HDAC5: variants seen among roughly 807,000 people sequenced by gnomAD.
The protein encoded by HDAC5 is histone deacetylase 5, also known as antigen NY-CO-9.
In HDAC5, 25 loss-of-function variants were observed where a neutral mutation model predicts 133.3. That is an observed-to-expected ratio of 0.19 (90% confidence interval 0.14 to 0.26). HDAC5 has a LOEUF of 0.26. Among genes scored for constraint, HDAC5 ranks in the 10% least tolerant of loss-of-function variants. The pLI is 1.00. For synonymous variants in HDAC5, 589 were observed against 610.8 expected (o/e 0.96, Z 0.53); for missense variants, 1,041 against 1,460.5 (o/e 0.71, Z 4.68).
In HDAC5 at chr17:44,079,783, C is replaced by T. The variant is rs1188838372; in HGVS notation, c.2944+324G>A. On this transcript the variant is annotated intron_variant, in intron 23 of 26. Coordinates refer to ENST00000682912, the MANE Select transcript of HDAC5 (RefSeq NM_005474.5). Reference sequence around the variant, plus strand: ...CATCAGTGAACTAAATGCCCTATCACAGTCAAAACATTAACAGACTGGCTG... The same window carrying T: ...CATCAGTGAACTAAATGCCCTATCATAGTCAAAACATTAACAGACTGGCTG... Among the ~76,000 whole-genome samples the T allele has an allele frequency of 3.9e-5, 6 of 152,042 alleles. No individual in the cohort carries two copies. The East Asian group carries it at 1.2e-3, about 29-fold the overall frequency.
chr17:44,087,796 G>A (rs1217178620), intron 12 of HDAC5, 100 bp from the exon 13 acceptor site: 1 of 1,378,690 alleles, frequency 7.3e-7, no homozygotes, highest in Non-Finnish European at 9.6e-7. Flanking sequence ...CCTTCTTCCA[G>A]GTAGAGCTTC....
chr17:44,114,131 C>T (rs1223783908), intron 2 of HDAC5, among the ~76,000 whole-genome samples: 1 of 152,256 alleles, frequency 6.6e-6, no homozygotes, highest in Non-Finnish European at 1.5e-5. Flanking sequence ...CCTGCCTTCT[C>T]TGGCCATTCC....
chr17:44,122,273 G>T (rs2053058494), intron 1 of HDAC5, among the ~76,000 whole-genome samples: 1 of 152,108 alleles, frequency 6.6e-6, no homozygotes. Context: ...CTAAGAGGAA[G>T]CCAAAGGCAG....
At position 44,087,682 on chromosome 17, in the gene HDAC5, T is replaced by C. The variant is rs1597952028; in HGVS notation, c.1614A>G (p.Thr538=). Residue 538 remains threonine, a synonymous_variant, in exon 13 of 27, where the codon ACA becomes ACG. Transcript: ENST00000682912. Reference sequence around the variant, plus strand: ...TGGTGGGCTGCCTGGGCAGCTCCCCTGTCTTGGTGAGGATCTGATAACAGA... The same window carrying C: ...TGGTGGGCTGCCTGGGCAGCTCCCCCGTCTTGGTGAGGATCTGATAACAGA... The part of the protein sequence containing the change: ...QLQLGKILTK[T]GELPRQPTTH... 11 of 1,595,718 alleles carry C rather than the reference T, an allele frequency of 6.9e-6. No individual in the cohort carries two copies. The highest frequency in any genetic ancestry group is 2.2e-5 in the East Asian group (1 of 44,618).
chr17:44,117,720 G>A lies in HDAC5; in HGVS notation c.-189-16C>T. 3.2e-6 allele frequency: 2 copies of A among 630,668 alleles called. No individual in the cohort carries two copies. Among genetic ancestry groups the A allele is most frequent in the Non-Finnish European group, 5.7e-6 (2 of 348,532 alleles). 39.1% of individuals were successfully genotyped at this position (630,668 alleles called of 1,614,324 possible). A position where few individuals can be genotyped will look rare whatever the true frequency, so the allele number is the denominator to read the frequency against. On this transcript the variant is annotated splice_polypyrimidine_tract_variant and intron_variant, in intron 1 of 26. Transcript: ENST00000682912. The surrounding 1 kb of genome is among the most constrained non-coding windows in gnomAD (Gnocchi z 4.2). ...AACGGCATCCCTGGGGAGAGATGGA[G>A]CAGGGTTAGAGGCCCCTAACTCAGG...
intron 3 of HDAC5, among the ~76,000 whole-genome samples, chr17:44,098,999 C>T (rs1217896105): frequency 6.6e-6 from 1 of 152,026 alleles, no homozygotes. Context: ...GCCTGTAATC[C>T]CAGCTACTCG....
Position 44,087,426 on chromosome 17 carries a change from C to A in HDAC5, c.1870G>T (p.Ala624Ser). 9.2e-7 allele frequency: 1 copy of A among 1,085,736 alleles called. No homozygotes were observed. The highest frequency in any genetic ancestry group is 1.4e-6 in the Non-Finnish European group (1 of 699,318). 67.3% of individuals were successfully genotyped at this position (1,085,736 alleles called of 1,614,324 possible). The change falls in exon 13 of 27, where the codon GCT (alanine) becomes TCT (serine). Residue 624 changes from alanine to serine, a missense_variant. Around this residue, in one of 9 missense-constraint regions of HDAC5, gnomAD observed 433 missense variants for 531.6 expected, o/e 0.81. Coordinates refer to ENST00000682912, the MANE Select transcript of HDAC5 (RefSeq NM_005474.5). ...EEGPDLEEPG[A>S]GYKKLFSDAQ... ...ACGGGGCTCACTTTTTTGTATCCAG[C>A]ACCAGGCTCCTCCAAGTCGGGCCCC...
intron 18 of HDAC5, among the ~76,000 whole-genome samples, chr17:44,083,071 C>G (rs1567983689): frequency 6.6e-6 from 1 of 152,154 alleles, no homozygotes; most frequent in East Asian, 1.9e-4. Flanking sequence ...CTTGGCCTCC[C>G]AGGCTCAGAC....
At chr17:44,102,664 TCTC>T (rs2051687691) in intron 3 of HDAC5, among the ~76,000 whole-genome samples, 1 of 120,776 alleles carries the variant, frequency 8.3e-6, no homozygotes, top group African/African-American at 2.9e-5. Flanking sequence ...GGCCAGGTTC[TCTC>T]TTTTTTTTTT....
At chr17:44,083,342 C>T (rs528249789) in intron 18 of HDAC5, among the ~76,000 whole-genome samples, 1 of 152,214 alleles carries the variant, frequency 6.6e-6, no homozygotes. Flanking sequence ...GAGACACCCA[C>T]GAGAGCACTG....
intron 1 of HDAC5, among the ~76,000 whole-genome samples, chr17:44,119,008 G>A (rs908683180): frequency 8.5e-5 from 13 of 152,208 alleles, no homozygotes; most frequent in African/African-American, 7.2e-5. Context: ...ATGCACACAC[G>A]AGACCCTGAG....
chr17:44,108,409 C>T (rs963072641), intron 3 of HDAC5, among the ~76,000 whole-genome samples: 2 of 152,140 alleles, frequency 1.3e-5, no homozygotes, highest in African/African-American at 4.8e-5. Flanking sequence ...TGGCAACAAC[C>T]AAGACAGCCC....
At chr17:44,095,680 T>C (rs1209360115) in intron 3 of HDAC5, among the ~76,000 whole-genome samples, 1 of 146,832 alleles carries the variant, frequency 6.8e-6, no homozygotes, top group African/African-American at 2.6e-5. Context: ...ATATATAGAG[T>C]GAGCCAAACA....
intron 11 of HDAC5, 80 bp downstream of exon 11, chr17:44,091,190 C>A: frequency 9.5e-7 from 1 of 1,055,046 alleles, no homozygotes; most frequent in Admixed American, 2.0e-5. Context: ...CTAAGGGGAA[C>A]TGTGACAGGG....
At chr17:44,110,474 G>A (rs375839781) in intron 3 of HDAC5, among the ~76,000 whole-genome samples, 3 of 152,178 alleles carry the variant, frequency 2.0e-5, no homozygotes, top group South Asian at 2.1e-4. Context: ...AGTGGATGCC[G>A]ACCCTGCCAG....
At chr17:44,088,905 G>C (rs1042228615) in intron 11 of HDAC5, among the ~76,000 whole-genome samples, 7 of 152,074 alleles carry the variant, frequency 4.6e-5, no homozygotes, top group African/African-American at 1.2e-4. Flanking sequence ...CCCTCTGAAC[G>C]AACAATGACT....
At chr17:44,118,984 G>A (rs1159999544) in intron 1 of HDAC5, among the ~76,000 whole-genome samples, 1 of 152,206 alleles carries the variant, frequency 6.6e-6, no homozygotes, top group Non-Finnish European at 1.5e-5. Flanking sequence ...ACACACATGC[G>A]CATGCACGCA....
Position 44,117,780 on chromosome 17 carries a change from A to C in HDAC5, c.-189-76T>G, listed in dbSNP as rs1350135083. ...GTCGAAGGAGACCTTGGAGCTCATCAGTTTGTACCTGGGGATGAGGGATGA... is the reference window on the plus strand; with the variant it reads ...GTCGAAGGAGACCTTGGAGCTCATCCGTTTGTACCTGGGGATGAGGGATGA... On this transcript the variant is annotated intron_variant, in intron 1 of 26. Coordinates refer to ENST00000682912, the MANE Select transcript of HDAC5 (RefSeq NM_005474.5). The surrounding 1 kb of genome is among the most constrained non-coding windows in gnomAD (Gnocchi z 4.2). 1.7e-6 allele frequency: 1 copy of C among 587,634 alleles called. No homozygotes were observed. Among genetic ancestry groups the C allele is most frequent in the Admixed American group, 3.0e-5 (1 of 33,550 alleles). 36.4% of individuals were successfully genotyped at this position (587,634 alleles called of 1,614,324 possible). A position where few individuals can be genotyped will look rare whatever the true frequency, so the allele number is the denominator to read the frequency against.
chr17:44,102,665 CTCTTT>C (rs2051688400), intron 3 of HDAC5, among the ~76,000 whole-genome samples: 2 of 117,238 alleles, frequency 1.7e-5, no homozygotes, highest in African/African-American at 5.9e-5. Context: ...GCCAGGTTCT[CTCTTT>C]TTTTTTTTTT....
Sources: gnomAD v4.1 joint callset for allele counts (sites outside exome capture counted in the v4.1 genomes callset) on GRCh38, gnomAD v4.1.1 for gene constraint, gnomAD v4.1.1 regional missense constraint, Gnocchi (gnomAD v3.1) non-coding constraint, MANE v1.5 for transcripts, NCBI Gene and HGNC (gene_info 2026-07-23, HGNC 2026-07-21) for gene names.